The following TRIM60 variants were observed in gnomAD, a reference collection of about 807,000 sequenced individuals.
The protein encoded by TRIM60 is tripartite motif containing 60.
For missense variants in TRIM60, 524 were observed against 540.8 expected (o/e 0.97, Z 0.31); for synonymous variants, 189 against 195.2 (o/e 0.97, Z 0.27).
chr4:165,033,757 A>G (rs1733558341), intron 1 of TRIM60, among the ~76,000 whole-genome samples: 1 of 152,244 alleles, frequency 6.6e-6, no homozygotes, highest in African/African-American at 2.4e-5. Context: ...AGAGGTGACC[A>G]AGTGCTTCAA....
Position 165,040,665 on chromosome 4 carries a change from A to C in TRIM60, c.593A>C (p.Gln198Pro). Residue 198 changes from glutamine to proline, a missense_variant, in exon 3 of 3, where the codon CAA (glutamine) becomes CCA (proline). By Grantham distance (76) the Gln-to-Pro change is moderately conservative. Coordinates refer to ENST00000512596, the MANE Select transcript of TRIM60 (RefSeq NM_152620.3). The stretch of plus-strand genomic sequence containing the variant: ...ATAAGATTGTTTTTACAGAATGAAC[A>C]AGAGATGATTCTTAGGCAGATACAA... ...EQIRLFLQNE[Q>P]EMILRQIQDE... 1 of 1,613,976 alleles carries C rather than the reference A, an allele frequency of 6.2e-7. No homozygotes were observed. The highest frequency in any genetic ancestry group is 8.5e-7 in the Non-Finnish European group (1 of 1,179,940).
intron 1 of TRIM60, among the ~76,000 whole-genome samples, chr4:165,038,751 T>C (rs143593568): frequency 1.3e-5 from 2 of 152,068 alleles, no homozygotes; most frequent in East Asian, 3.9e-4. Context: ...TTCATTGTTA[T>C]ATATACATAC....
In TRIM60 at chr4:165,041,485, A is replaced by AT. The variant is rs1733766891; in HGVS notation, c.1414dup (p.Ter472LeufsTer5). 6.5e-7 allele frequency: 1 copy of AT among 1,532,992 alleles called. No individual in the cohort carries two copies. 95.0% of individuals were successfully genotyped at this position (1,532,992 alleles called of 1,614,324 possible). On this transcript the variant is annotated frameshift_variant, in exon 3 of 3. Coordinates refer to ENST00000512596, the MANE Select transcript of TRIM60 (RefSeq NM_152620.3). LOFTEE classifies it high-confidence loss of function. ...TCTGCTCAGTATCAGATTCTGAAAG[A>AT]TAAGGAACTGGTAAATGGGTCTGTT... is the stretch of plus-strand genomic sequence containing the variant.
At chr4:165,033,744 TAC>T (rs1368010202) in intron 1 of TRIM60, among the ~76,000 whole-genome samples, 1 of 152,200 alleles carries the variant, frequency 6.6e-6, no homozygotes, top group Non-Finnish European at 1.5e-5. Context: ...CTGTGATTTG[TAC>T]AGAGGTGACC....
chr4:165,036,659 G>T (rs73005723), intron 1 of TRIM60, among the ~76,000 whole-genome samples: 7,961 of 152,114 alleles, frequency 0.052, 582 homozygotes, highest in African/African-American at 0.16. Context: ...GGCAGGCAGA[G>T]CACTTGAGGT....
chr4:165,032,436 A>T (rs1023701946), intron 1 of TRIM60, among the ~76,000 whole-genome samples: 19 of 152,064 alleles, frequency 1.2e-4, no homozygotes, highest in African/African-American at 3.9e-4. Flanking sequence ...TTTAGTAGAG[A>T]CGAGGTTTCT....
chr4:165,034,716 TATG>T (rs1371732306), intron 1 of TRIM60, among the ~76,000 whole-genome samples: 1 of 152,184 alleles, frequency 6.6e-6, no homozygotes, highest in African/African-American at 2.4e-5. Context: ...TTTAATTCCT[TATG>T]ATTGAAAAAT....
At chr4:165,035,686 C>T (rs1733605775) in intron 1 of TRIM60, among the ~76,000 whole-genome samples, 1 of 152,018 alleles carries the variant, frequency 6.6e-6, no homozygotes, top group African/African-American at 2.4e-5. Context: ...TTTGTATAAA[C>T]ACTGTAGGTG....
intron 2 of TRIM60, among the ~76,000 whole-genome samples, chr4:165,039,804 CAAA>C (rs34594955): frequency 1.9e-4 from 16 of 83,490 alleles, no homozygotes; most frequent in Middle Eastern, 5.7e-3. Flanking sequence ...GACTCCGTCT[CAAA>C]AAAAAAAAAA....
chr4:165,040,980 C>A lies in TRIM60; in HGVS notation c.908C>A (p.Thr303Lys). The A allele has an allele frequency of 6.2e-7, 1 of 1,614,102 alleles. No individual in the cohort carries two copies. Among genetic ancestry groups the A allele is most frequent in the South Asian group, 1.1e-5 (1 of 91,080 alleles). Residue 303 changes from threonine (T) to lysine (K), a missense_variant, in exon 3 of 3, where the codon ACA becomes AAA. By Grantham distance (78) the Thr-to-Lys change is moderately conservative. Coordinates refer to ENST00000512596, the MANE Select transcript of TRIM60 (RefSeq NM_152620.3). ...FQVDVILDLN[T>K]AHPQLLVSED... is the part of the protein sequence containing the mutation. ...GTAGATGTGATTCTAGATCTCAACA[C>A]AGCACATCCTCAACTTCTTGTCTCT...
Position 165,041,205 on chromosome 4 carries a change from A to G in TRIM60, c.1133A>G (p.Gln378Arg). 1 of 1,614,206 alleles carries G rather than the reference A, an allele frequency of 6.2e-7. No individual in the cohort carries two copies. The highest frequency in any genetic ancestry group is 8.5e-7 in the Non-Finnish European group (1 of 1,180,040). ...QDCLLRNWQD[Q>R]PSVLGGFWAI... ...TGTCTTCTTAGGAACTGGCAGGATCAGCCATCAGTTCTGGGCGGATTCTGG... is the reference window on the plus strand; with the variant it reads ...TGTCTTCTTAGGAACTGGCAGGATCGGCCATCAGTTCTGGGCGGATTCTGG... Residue 378 changes from glutamine to arginine, a missense_variant, in exon 3 of 3, where the codon CAG (glutamine) becomes CGG (arginine). Coordinates refer to ENST00000512596, the MANE Select transcript of TRIM60 (RefSeq NM_152620.3).
At chr4:165,039,986 T>A in intron 2 of TRIM60, 83 bp from the exon 3 acceptor site, 1 of 1,052,926 alleles carries the variant, frequency 9.5e-7, no homozygotes. Context: ...CTGGGAGGGG[T>A]ATCCACTTCT....
Position 165,040,769 on chromosome 4 carries a change from C to G in TRIM60, c.697C>G (p.Leu233Val). The change falls in exon 3 of 3, where the codon CTA becomes GTA. Residue 233 changes from leucine (L) to valine (V), a missense_variant. Leu to Val is a conservative substitution (Grantham distance 32). Coordinates refer to ENST00000512596, the MANE Select transcript of TRIM60 (RefSeq NM_152620.3). ...AGATTATGTTTCCACATTAAAACATCTACTGAGGGAGGTAGAGGGCAAGTC... is the reference window on the plus strand; with the variant it reads ...AGATTATGTTTCCACATTAAAACATGTACTGAGGGAGGTAGAGGGCAAGTC... ...LSDYVSTLKHLLREVEGKSVQ... is the reference protein window; with the variant it reads ...LSDYVSTLKHVLREVEGKSVQ... 1 of 1,614,088 alleles carries G rather than the reference C, an allele frequency of 6.2e-7. No homozygotes were observed. Among genetic ancestry groups the G allele is most frequent in the Non-Finnish European group, 8.5e-7 (1 of 1,179,992 alleles).
rs769538101 is a variant in TRIM60 at position 165,040,051 on chromosome 4, C to T, written c.-4-18C>T. ...CTGATCAAAGGGAGGTTACCTTATGCATTACCTTTGTTCGCAGCTCGATGG... is the reference window on the plus strand; with the variant it reads ...CTGATCAAAGGGAGGTTACCTTATGTATTACCTTTGTTCGCAGCTCGATGG... On this transcript the variant is annotated intron_variant, in intron 2 of 2. Transcript: ENST00000512596. 8.7e-6 allele frequency: 14 copies of T among 1,600,436 alleles called. No homozygotes were observed. The highest frequency in any genetic ancestry group is 6.7e-5 in the East Asian group (3 of 44,818).
In TRIM60 at chr4:165,040,052, A is replaced by G; in HGVS notation, c.-4-17A>G. 1.2e-6 allele frequency: 2 copies of G among 1,603,570 alleles called. No individual in the cohort carries two copies. The highest frequency in any genetic ancestry group is 1.7e-6 in the Non-Finnish European group (2 of 1,175,096). On this transcript the variant is annotated splice_polypyrimidine_tract_variant and intron_variant, in intron 2 of 2. Coordinates refer to ENST00000512596, the MANE Select transcript of TRIM60 (RefSeq NM_152620.3). ...TGATCAAAGGGAGGTTACCTTATGC[A>G]TTACCTTTGTTCGCAGCTCGATGGA...
chr4:165,040,977 A>G lies in TRIM60; in HGVS notation c.905A>G (p.Asn302Ser). ...PFQVDVILDL[N>S]TAHPQLLVSE... Reference sequence around the variant, plus strand: ...CAAGTAGATGTGATTCTAGATCTCAACACAGCACATCCTCAACTTCTTGTC... The same window carrying G: ...CAAGTAGATGTGATTCTAGATCTCAGCACAGCACATCCTCAACTTCTTGTC... The change falls in exon 3 of 3, where the codon AAC becomes AGC. Residue 302 changes from asparagine to serine, a missense_variant. Coordinates refer to ENST00000512596, the MANE Select transcript of TRIM60 (RefSeq NM_152620.3). 5 of 1,614,138 alleles carry G rather than the reference A, an allele frequency of 3.1e-6. No individual in the cohort carries two copies. Among genetic ancestry groups the G allele is most frequent in the East Asian group, 2.2e-5 (1 of 44,884 alleles).
rs371675727 is a variant in TRIM60 at position 165,041,043 on chromosome 4, G to T, written c.971G>T (p.Arg324Leu). The T allele has an allele frequency of 1.2e-6, 2 of 1,613,954 alleles. No individual in the cohort carries two copies. The highest frequency in any genetic ancestry group is 1.1e-5 in the South Asian group (1 of 91,074). ...RKAVRYERKK[R>L]NICYDPRRFY... is the part of the protein sequence containing the mutation. Reference sequence around the variant, plus strand: ...GCTGTGCGATATGAAAGAAAAAAACGAAACATTTGTTATGACCCAAGGAGA... The same window carrying T: ...GCTGTGCGATATGAAAGAAAAAAACTAAACATTTGTTATGACCCAAGGAGA... The change falls in exon 3 of 3, where the codon CGA (arginine) becomes CTA (leucine). Residue 324 changes from arginine (R) to leucine (L), a missense_variant. By Grantham distance (102) the Arg-to-Leu change is moderately radical. Coordinates refer to ENST00000512596, the MANE Select transcript of TRIM60 (RefSeq NM_152620.3).
intron 2 of TRIM60, chr4:165,039,622 C>A (rs1733701865): frequency 6.6e-6 from 1 of 152,514 alleles, no homozygotes; most frequent in Non-Finnish European, 1.4e-5. Context: ...CAAGGTGAAA[C>A]CCCGTCTCTA....
intron 1 of TRIM60, among the ~76,000 whole-genome samples, chr4:165,033,889 C>T (rs897767110): frequency 1.6e-4 from 25 of 152,200 alleles, no homozygotes; most frequent in African/African-American, 6.0e-4. Flanking sequence ...TGCTCACTGG[C>T]ACTTAAGGAA....
Sources: gnomAD v4.1 joint callset for allele counts (sites outside exome capture counted in the v4.1 genomes callset) on GRCh38, gnomAD v4.1.1 for gene constraint, MANE v1.5 for transcripts, NCBI Gene and HGNC (gene_info 2026-07-23, HGNC 2026-07-21) for gene names.